The following CENPC variants were observed in gnomAD, a reference collection of about 807,000 sequenced individuals.
CENPC encodes CENP-C 1.
CENPC carries 63 observed loss-of-function variants against 112.1 expected under a neutral mutation model. The observed-to-expected ratio is 0.56, with a 90% CI of 0.46 to 0.69. The LOEUF (loss-of-function observed/expected upper bound fraction) is 0.69. CENPC is among the 30% of genes least tolerant of loss of function. CENPC has a pLI of 0.00. For missense variants in CENPC, 1,000 were observed against 1,103.8 expected, an observed-to-expected ratio of 0.91 and a Z score of 1.33; for synonymous variants, 333 against 367.6, an observed-to-expected ratio of 0.91 and a Z score of 1.08.
At chr4:67,539,104 C>A (rs766737895) in intron 4 of CENPC, among the ~76,000 whole-genome samples, 11 of 151,978 alleles carry the variant, frequency 7.2e-5, no homozygotes, top group Non-Finnish European at 1.6e-4. Flanking sequence ...CAAACCTAAT[C>A]AAAAAAAGTT....
intron 12 of CENPC, among the ~76,000 whole-genome samples, chr4:67,501,755 T>C (rs1436256186): frequency 6.6e-6 from 1 of 152,174 alleles, no homozygotes; most frequent in African/African-American, 2.4e-5. Flanking sequence ...TTAAGGGAAA[T>C]AATATATCAT....
At chr4:67,486,498 C>T (rs182549105) in intron 17 of CENPC, among the ~76,000 whole-genome samples, 177 of 152,328 alleles carry the variant, frequency 1.2e-3, no homozygotes, top group Non-Finnish European at 2.1e-3. Context: ...GCACCACATA[C>T]AGTGATTGGT....
chr4:67,512,125 T>C (rs1407850658), intron 9 of CENPC: 3 of 282,788 alleles, frequency 1.1e-5, no homozygotes, highest in Non-Finnish European at 1.9e-5. Context: ...AGCTGGATTA[T>C]TTATATTGCC....
intron 5 of CENPC, among the ~76,000 whole-genome samples, chr4:67,529,983 T>C (rs1578003574): frequency 6.6e-6 from 1 of 152,200 alleles, no homozygotes; most frequent in Non-Finnish European, 1.5e-5. Flanking sequence ...GAACAGATTT[T>C]TTTTTAATTT....
intron 9 of CENPC, 58 bp from the exon 10 acceptor site, chr4:67,509,163 T>G (rs1335671011): frequency 1.6e-6 from 2 of 1,242,942 alleles, no homozygotes; most frequent in South Asian, 1.4e-5. Context: ...TTTGGCTCAC[T>G]GAAATACCAA....
intron 7 of CENPC, among the ~76,000 whole-genome samples, chr4:67,515,650 G>A (rs1011073874): frequency 6.6e-6 from 1 of 151,940 alleles, no homozygotes; most frequent in Non-Finnish European, 1.5e-5. Flanking sequence ...AATAATAAAT[G>A]TTGTTTTAAG....
intron 11 of CENPC, among the ~76,000 whole-genome samples, chr4:67,505,926 AT>A (rs1725719030): frequency 1.3e-5 from 2 of 152,264 alleles, no homozygotes; most frequent in East Asian, 3.9e-4. Flanking sequence ...AGAAATCATC[AT>A]ATTTTAATTA....
chr4:67,523,366 T>C (rs1385907644), intron 5 of CENPC, among the ~76,000 whole-genome samples: 1 of 152,144 alleles, frequency 6.6e-6, no homozygotes, highest in Non-Finnish European at 1.5e-5. Context: ...AAACTGTACA[T>C]AAGCACTATT....
intron 5 of CENPC, among the ~76,000 whole-genome samples, chr4:67,530,197 C>T (rs961098921): frequency 3.3e-5 from 5 of 152,086 alleles, no homozygotes; most frequent in Non-Finnish European, 7.4e-5. Context: ...ACACATTTAA[C>T]AATTAAAATC....
chr4:67,481,988 G>C (rs1373220514), intron 17 of CENPC, among the ~76,000 whole-genome samples: 1 of 152,068 alleles, frequency 6.6e-6, no homozygotes, highest in African/African-American at 2.4e-5. Context: ...ACAACCCAGA[G>C]TGAAAGAAAA....
intron 16 of CENPC, among the ~76,000 whole-genome samples, 195 bp from the exon 17 acceptor site, chr4:67,490,316 G>A (rs1220559571): frequency 6.6e-6 from 1 of 152,012 alleles, no homozygotes; most frequent in Non-Finnish European, 1.5e-5. Flanking sequence ...ATGACCTTAG[G>A]CAAGTTACTT....
At chr4:67,493,682 A>G (rs1725346996) in intron 14 of CENPC, 3 of 473,434 alleles carry the variant, frequency 6.3e-6, no homozygotes, top group African/African-American at 2.0e-5. Flanking sequence ...GTCAGATGAT[A>G]CAGGAATAAC....
In CENPC at chr4:67,471,714, C is replaced by T. The variant is rs1002014897; in HGVS notation, c.*891G>A. The T allele has an allele frequency of 2.0e-5, 3 of 151,934 alleles. No homozygotes were observed. The highest frequency in any genetic ancestry group is 4.8e-5 in the African/African-American group (2 of 41,332). The allele number at this position is 151,934 out of a possible 1,614,324, so 9.4% of individuals were successfully genotyped here. On this transcript the variant is annotated 3_prime_UTR_variant, in exon 19 of 19. Transcript: ENST00000273853. ...GGAGTTGGCCTAAAAATATTTTTAC[C>T]GTAAAACATCAATTTCTTCAGAGTT...
Position 67,520,321 on chromosome 4 carries a change from G to A in CENPC, c.332-819C>T, listed in dbSNP as rs1355771871. Among the ~76,000 whole-genome samples, 6 of 152,098 alleles carry A rather than the reference G, an allele frequency of 3.9e-5. 1 individual carries two copies. In the South Asian group the frequency reaches 6.2e-4, roughly 16 times the overall value. ...GCTTCTACAATCATAGATGGCAGGCGGTATGACCCACATGAAGCTGTAGAG... is the reference window on the plus strand; with the variant it reads ...GCTTCTACAATCATAGATGGCAGGCAGTATGACCCACATGAAGCTGTAGAG... On this transcript the variant is annotated intron_variant, in intron 5 of 18. Transcript: ENST00000273853.
At chr4:67,522,983 A>G (rs1002808958) in intron 5 of CENPC, among the ~76,000 whole-genome samples, 12 of 151,712 alleles carry the variant, frequency 7.9e-5, no homozygotes, top group African/African-American at 2.7e-4. Context: ...CTGGGTGATA[A>G]GGGCAAAATT....
At chr4:67,512,099 G>A (rs1725907894) in intron 9 of CENPC, 2 of 224,794 alleles carry the variant, frequency 8.9e-6, no homozygotes, top group Non-Finnish European at 1.7e-5. Flanking sequence ...ATCCCTCACA[G>A]CCAGGACATT....
intron 10 of CENPC, among the ~76,000 whole-genome samples, chr4:67,507,388 T>G (rs551462826): frequency 6.6e-6 from 1 of 152,302 alleles, no homozygotes; most frequent in South Asian, 2.1e-4. Context: ...CAAGATACAC[T>G]CTTCCTAGTG....
intron 2 of CENPC, among the ~76,000 whole-genome samples, chr4:67,543,777 CCAAA>C (rs1287569530): frequency 2.0e-5 from 3 of 152,198 alleles, no homozygotes; most frequent in African/African-American, 7.2e-5. Flanking sequence ...CCAAAACAAC[CCAAA>C]CAAGCACTCA....
chr4:67,503,678 A>G (rs1021894625), intron 12 of CENPC, among the ~76,000 whole-genome samples: 2 of 152,178 alleles, frequency 1.3e-5, no homozygotes, highest in African/African-American at 4.8e-5. Flanking sequence ...TATGTTATCA[A>G]CAAAATAACT....
Sources: gnomAD v4.1 joint callset for allele counts (sites outside exome capture counted in the v4.1 genomes callset) on GRCh38, gnomAD v4.1.1 for gene constraint, MANE v1.5 for transcripts, NCBI Gene and HGNC (gene_info 2026-07-23, HGNC 2026-07-21) for gene names.